The following TBC1D12 variants were observed in gnomAD, a reference collection of about 807,000 sequenced individuals.
TBC1D12 encodes the protein TBC1 domain family, member 12.
TBC1D12 carries 56 observed loss-of-function variants against 86.7 expected under a neutral mutation model. The ratio of observed to expected loss-of-function variants is 0.65; its 90% CI spans 0.52 to 0.81. TBC1D12 has a LOEUF of 0.81. Among genes scored for constraint, TBC1D12 ranks in the 30% least tolerant of loss-of-function variants. The probability of loss-of-function intolerance (pLI) is 0.00; values close to 1 mark genes in which losing one functional copy is unlikely to be tolerated. For missense variants in TBC1D12, 1,023 were observed against 1,038.8 expected (o/e 0.98, Z 0.21); for synonymous variants, 421 against 411.7 (o/e 1.02, Z -0.27).
intron 1 of TBC1D12, 117 bp from the exon 2 acceptor site, chr10:94,441,779 T>C (rs1430060460): frequency 2.1e-6 from 2 of 972,536 alleles, no homozygotes; most frequent in Non-Finnish European, 3.0e-6. Context: ...GTAGTAGAAA[T>C]AGTTTTATTT....
chr10:94,504,150 A>G (rs1259552770), intron 6 of TBC1D12, among the ~76,000 whole-genome samples: 1 of 152,228 alleles, frequency 6.6e-6, no homozygotes, highest in Non-Finnish European at 1.5e-5. Context: ...TTTTGAACAT[A>G]CTGTAATTGT....
At position 94,471,525 on chromosome 10, in the gene TBC1D12, A is replaced by G. The variant is rs2134140441; in HGVS notation, c.1096-3143A>G. 2.6e-5 allele frequency among the ~76,000 whole-genome samples: 4 copies of G among 152,026 alleles called. No individual in the cohort carries two copies. The South Asian group carries it at 8.3e-4, about 32-fold the overall frequency. Reference sequence around the variant, plus strand: ...CACCTTTCTAATCTTATTTCTCATCATTTTTCCTATTCAGTGAGATTAATG... The same window carrying G: ...CACCTTTCTAATCTTATTTCTCATCGTTTTTCCTATTCAGTGAGATTAATG... On this transcript the variant is annotated intron_variant, in intron 2 of 12. Coordinates refer to ENST00000225235, the MANE Select transcript of TBC1D12 (RefSeq NM_015188.2).
chr10:94,454,139 C>G (rs2055591449), intron 2 of TBC1D12, among the ~76,000 whole-genome samples: 1 of 152,074 alleles, frequency 6.6e-6, no homozygotes. Flanking sequence ...TTTATCATTC[C>G]CAAAATAATT....
intron 3 of TBC1D12, among the ~76,000 whole-genome samples, chr10:94,478,317 C>T (rs1183784127): frequency 6.6e-6 from 1 of 152,182 alleles, no homozygotes; most frequent in Non-Finnish European, 1.5e-5. Context: ...TTAAGCTTCA[C>T]ACCAGCAGCA....
At chr10:94,509,114 T>G (rs973144328) in intron 7 of TBC1D12, 5 of 149,776 alleles carry the variant, frequency 3.3e-5, no homozygotes, top group South Asian at 2.2e-4. Flanking sequence ...AGTGTTTTTT[T>G]TTTTTTTTTT....
chr10:94,531,667 A>G (rs1842421335), intron 12 of TBC1D12, among the ~76,000 whole-genome samples: 1 of 142,902 alleles, frequency 7.0e-6, no homozygotes, highest in Non-Finnish European at 1.5e-5. Flanking sequence ...ATTTTATTTT[A>G]TTTTATTTTA....
At chr10:94,463,561 C>T (rs925753565) in intron 2 of TBC1D12, among the ~76,000 whole-genome samples, 2 of 152,214 alleles carry the variant, frequency 1.3e-5, no homozygotes, top group Non-Finnish European at 2.9e-5. Context: ...GGCTCCCCCA[C>T]CCCTGCCCAG....
chr10:94,533,356 G>T lies in TBC1D12; in HGVS notation c.*260G>T. 3.7e-6 allele frequency: 1 copy of T among 267,466 alleles called. No homozygotes were observed. The highest frequency in any genetic ancestry group is 7.6e-5 in the East Asian group (1 of 13,174). The allele number at this position is 267,466 out of a possible 1,614,324, so 16.6% of individuals were successfully genotyped here. A position where few individuals can be genotyped will look rare whatever the true frequency, so the allele number is the denominator to read the frequency against. ...GTGGTGAGTTTATATTCCACAATTT[G>T]GAGTAAACAAAATGCAATAAATTTT... is the stretch of plus-strand genomic sequence containing the variant. On this transcript the variant is annotated 3_prime_UTR_variant, in exon 13 of 13. Transcript: ENST00000225235.
chr10:94,510,572 T>C (rs1292625055), intron 8 of TBC1D12, among the ~76,000 whole-genome samples: 2 of 152,218 alleles, frequency 1.3e-5, no homozygotes, highest in African/African-American at 4.8e-5. Context: ...AAGAAATGGT[T>C]TTCTTTGTAC....
rs76617773 is a variant in TBC1D12, at chr10:94,502,979, G to A, written c.1519+2652G>A. The stretch of plus-strand genomic sequence containing the variant: ...GGTCTTTTTTCTATGTACATAAAGT[G>A]TGCATCTACATATGATCAATTTTAA... On this transcript the variant is annotated intron_variant, in intron 6 of 12. Coordinates refer to ENST00000225235, the MANE Select transcript of TBC1D12 (RefSeq NM_015188.2). 7.8e-3 allele frequency among the ~76,000 whole-genome samples: 1,189 copies of A among 152,254 alleles called. 16 individuals carry two copies. Among genetic ancestry groups the A allele is most frequent in the African/African-American group, 0.027 (1,132 of 41,542 alleles).
At chr10:94,450,451 T>G (rs1291161622) in intron 2 of TBC1D12, among the ~76,000 whole-genome samples, 1 of 151,844 alleles carries the variant, frequency 6.6e-6, no homozygotes, top group Admixed American at 6.6e-5. Flanking sequence ...CAGGAATGAA[T>G]AGGATCTGTT....
intron 9 of TBC1D12, among the ~76,000 whole-genome samples, chr10:94,519,454 G>A (rs1182416756): frequency 6.6e-6 from 1 of 152,180 alleles, no homozygotes; most frequent in Non-Finnish European, 1.5e-5. Flanking sequence ...CACTTTGGGA[G>A]GCTGAGGTGG....
chr10:94,403,067 G>A lies in TBC1D12; in HGVS notation c.454G>A (p.Ala152Thr). The change falls in exon 1 of 13, where the codon GCT becomes ACT. Residue 152 changes from alanine (A) to threonine (T), a missense_variant. This residue lies in a region of TBC1D12 where 628 missense variants were observed against 531.1 expected (regional missense o/e 1.18). Coordinates refer to ENST00000225235, the MANE Select transcript of TBC1D12 (RefSeq NM_015188.2). ...PGRDCRDLEE[A>T]RGLARAGGRE... ...CCGGGACTGTCGCGATCTGGAAGAGGCTCGCGGGCTGGCGCGCGCCGGCGG... is the reference window on the plus strand; with the variant it reads ...CCGGGACTGTCGCGATCTGGAAGAGACTCGCGGGCTGGCGCGCGCCGGCGG... 6.7e-7 allele frequency: 1 copy of A among 1,492,622 alleles called. No individual in the cohort carries two copies. Among genetic ancestry groups the A allele is most frequent in the African/African-American group, 1.5e-5 (1 of 68,698 alleles). The allele number at this position is 1,492,622 out of a possible 1,614,324, so 92.5% of individuals were successfully genotyped here.
At chr10:94,443,206 G>A (rs750486522) in intron 2 of TBC1D12, among the ~76,000 whole-genome samples, 2 of 152,192 alleles carry the variant, frequency 1.3e-5, no homozygotes, top group African/African-American at 2.4e-5. Flanking sequence ...TGAGATTGCC[G>A]TCTTTCTAAG....
chr10:94,510,665 ATT>A (rs1251868721), intron 8 of TBC1D12, among the ~76,000 whole-genome samples: 1 of 152,072 alleles, frequency 6.6e-6, no homozygotes, highest in African/African-American at 2.4e-5. Flanking sequence ...TCATGTCTTT[ATT>A]TTTATTTCTT....
At chr10:94,410,765 C>T (rs1245229790) in intron 1 of TBC1D12, among the ~76,000 whole-genome samples, 1 of 152,046 alleles carries the variant, frequency 6.6e-6, no homozygotes, top group Admixed American at 6.6e-5. Context: ...AAATACAATG[C>T]CTGAGAGATA....
chr10:94,410,785 GTT>G lies in TBC1D12; in HGVS notation c.971+7205_971+7206del, dbSNP rs2054918861. 3.9e-5 allele frequency among the ~76,000 whole-genome samples: 6 copies of G among 152,224 alleles called. No individual in the cohort carries two copies. The East Asian group carries it at 1.2e-3, about 29-fold the overall frequency. On this transcript the variant is annotated intron_variant, in intron 1 of 12. Transcript: ENST00000225235. ...CAATGCCTGAGAGATAAGTAACTTG[GTT>G]TTTGTCCTAGGTAACAACTTCTGCC... is the stretch of plus-strand genomic sequence containing the variant.
intron 6 of TBC1D12, among the ~76,000 whole-genome samples, chr10:94,505,376 C>G (rs2134197228): frequency 6.6e-6 from 1 of 152,204 alleles, no homozygotes; most frequent in South Asian, 2.1e-4. Context: ...GCCAGGAGTT[C>G]AAGACCAGCC....
chr10:94,448,362 T>C (rs1392606846), intron 2 of TBC1D12, among the ~76,000 whole-genome samples: 3 of 152,244 alleles, frequency 2.0e-5, no homozygotes, highest in African/African-American at 7.2e-5. Context: ...TTATTGGTTT[T>C]AATTATGCTT....
Sources: allele counts gnomAD v4.1 joint callset (sites outside exome capture counted in the v4.1 genomes callset), GRCh38; gene constraint gnomAD v4.1.1; regional missense constraint gnomAD v4.1.1; transcripts MANE v1.5; gene names NCBI Gene and HGNC (gene_info 2026-07-23, HGNC 2026-07-21).